GREB1: variants seen among roughly 807,000 people sequenced by gnomAD.
GREB1 encodes growth regulating estrogen receptor binding 1, also known as protein GREB1.
Under a neutral mutation model 200.7 loss-of-function variants are expected in GREB1, and 106 were observed. The ratio of observed to expected loss-of-function variants is 0.53; its 90% CI spans 0.45 to 0.62. GREB1 has a LOEUF of 0.62. GREB1 is among the 20% of genes least tolerant of loss of function. The probability of loss-of-function intolerance (pLI) is 0.00; values close to 1 mark genes in which losing one functional copy is unlikely to be tolerated. For missense variants in GREB1, 2,243 were observed against 2,556.8 expected (o/e 0.88, Z 2.65); for synonymous variants, 1,132 against 1,092.4 (o/e 1.04, Z -0.72).
chr2:11,548,878 ATT>A lies in GREB1; in HGVS notation c.-161-7572_-161-7571del, dbSNP rs1675546223. On this transcript the variant is annotated intron_variant, in intron 1 of 32. Transcript: ENST00000381486. This position sits in a 1 kb window ranked among gnomAD's most constrained non-coding sequence, Gnocchi z 5.1. ...TTACTCTACTCTCACTTTGATTATT[ATT>A]TTTGTTGAGTATTCTAGGTAGGGAA... 6.6e-6 allele frequency among the ~76,000 whole-genome samples: 1 copy of A among 152,066 alleles called. No individual in the cohort carries two copies. Among genetic ancestry groups the A allele is most frequent in the Non-Finnish European group, 1.5e-5 (1 of 68,000 alleles).
At chr2:11,612,906 G>A (rs1380726708) in intron 19 of GREB1, among the ~76,000 whole-genome samples, 1 of 152,224 alleles carries the variant, frequency 6.6e-6, no homozygotes, top group Non-Finnish European at 1.5e-5. Context: ...TGCCTCCTGA[G>A]TTCAGTGTCT....
chr2:11,570,890 T>C (rs1678197529), intron 4 of GREB1, among the ~76,000 whole-genome samples: 1 of 152,132 alleles, frequency 6.6e-6, no homozygotes, highest in South Asian at 2.1e-4. Context: ...CCCTGAGTGC[T>C]TCATCTTCCG....
In GREB1 at chr2:11,638,903, G is replaced by T. The variant is rs905093894; in HGVS notation, c.5686+94G>T. 3.9e-6 allele frequency: 5 copies of T among 1,285,538 alleles called. No homozygotes were observed. The Admixed American group carries it at 1.1e-4, about 27-fold the overall frequency. The allele number at this position is 1,285,538 out of a possible 1,614,324, so 79.6% of individuals were successfully genotyped here. ...GGACCTTTGGTCCTAGTCCTTATTT[G>T]CCCATGGGTAAACTGAGGATCAGAG... is the stretch of plus-strand genomic sequence containing the variant. On this transcript the variant is annotated intron_variant, in intron 32 of 32. Coordinates refer to ENST00000381486, the MANE Select transcript of GREB1 (RefSeq NM_014668.4).
In GREB1 at chr2:11,499,216, G is replaced by A. The variant is rs934335051; in HGVS notation, c.-159+16835G>A. On this transcript the variant is annotated intron_variant, in intron 1 of 2. Coordinates refer to the GREB1 transcript ENST00000628795. The stretch of plus-strand genomic sequence containing the variant: ...AAAAGGAAATGTCTTTTCAATGGCT[G>A]AATCTGGAGAGAATGTTTGACACTG... Among the ~76,000 whole-genome samples, 6 of 152,348 alleles carry A rather than the reference G, an allele frequency of 3.9e-5. No individual in the cohort carries two copies. In the South Asian group the frequency reaches 1.0e-3, roughly 26 times the overall value.
In GREB1 at chr2:11,492,371, G is replaced by T. The variant is rs1009849233; in HGVS notation, c.-159+9990G>T. Among the ~76,000 whole-genome samples the T allele has an allele frequency of 6.6e-6, 1 of 152,206 alleles. No individual in the cohort carries two copies. Among genetic ancestry groups the T allele is most frequent in the East Asian group, 1.9e-4 (1 of 5,194 alleles). On this transcript the variant is annotated intron_variant, in intron 1 of 2. Coordinates refer to the GREB1 transcript ENST00000628795. The surrounding 1 kb of genome is among the most constrained non-coding windows in gnomAD (Gnocchi z 4.0). ...TGCTTGTTGGTTGGTTTGTTTCTTG[G>T]TCAGCCATTGAAGACTGAGTCAGCT...
At chr2:11,612,835 G>A (rs184492935) in intron 19 of GREB1, among the ~76,000 whole-genome samples, 5 of 152,350 alleles carry the variant, frequency 3.3e-5, no homozygotes, top group African/African-American at 7.2e-5. Context: ...GTTTGGGCTC[G>A]TGGTGACGGC....
At chr2:11,553,783 C>T (rs1023879173) in intron 1 of GREB1, among the ~76,000 whole-genome samples, 3 of 152,092 alleles carry the variant, frequency 2.0e-5, no homozygotes, top group Non-Finnish European at 4.4e-5. Flanking sequence ...CCTACATGTC[C>T]CTTCGCTGCT....
intron 9 of GREB1, 30 bp downstream of exon 9, chr2:11,585,935 G>GA (rs35692894): frequency 0.14 from 228,638 of 1,610,848 alleles, 19,365 homozygotes; most frequent in African/African-American, 0.36. Flanking sequence ...GAGTCGTGGG[G>GA]ATGGGAGAAC....
rs1233073264 is a variant in GREB1, at chr2:11,562,457, A to C, written c.158-6A>C. On this transcript the variant is annotated splice_region_variant and splice_polypyrimidine_tract_variant and intron_variant, in intron 2 of 32. Coordinates refer to ENST00000381486, the MANE Select transcript of GREB1 (RefSeq NM_014668.4). ...CCTTGCTCATCACTCTTCTTCCCGC[A>C]TCTAGGTGGTAGCCGAGTGGACAAT... The C allele has an allele frequency of 2.7e-5, 43 of 1,611,436 alleles. No homozygotes were observed. Among genetic ancestry groups the C allele is most frequent in the Non-Finnish European group, 3.5e-5 (41 of 1,178,858 alleles).
intron 1 of GREB1, among the ~76,000 whole-genome samples, chr2:11,553,339 G>A (rs927976942): frequency 2.0e-5 from 3 of 152,078 alleles, no homozygotes; most frequent in African/African-American, 4.8e-5. Context: ...TCTCTACAAA[G>A]AATGTGAAAA....
rs1226711916 is a variant in GREB1 at position 11,548,519 on chromosome 2, T to C, written c.-161-7935T>C. On this transcript the variant is annotated intron_variant, in intron 1 of 32. Transcript: ENST00000381486. This position sits in a 1 kb window ranked among gnomAD's most constrained non-coding sequence, Gnocchi z 5.1. ...AAAATTTCAGGCATTGTACATCTTATTCTTCCTGCACCTGTCAATAATACA... is the reference window on the plus strand; with the variant it reads ...AAAATTTCAGGCATTGTACATCTTACTCTTCCTGCACCTGTCAATAATACA... Among the ~76,000 whole-genome samples, 1 of 152,260 alleles carries C rather than the reference T, an allele frequency of 6.6e-6. No homozygotes were observed. Among genetic ancestry groups the C allele is most frequent in the Non-Finnish European group, 1.5e-5 (1 of 68,048 alleles).
At chr2:11,525,797 T>C (rs546426431) in intron 1 of GREB1, among the ~76,000 whole-genome samples, 2 of 152,152 alleles carry the variant, frequency 1.3e-5, no homozygotes, top group Non-Finnish European at 2.9e-5. Context: ...ACGACCCATC[T>C]AGATTCTCCT....
chr2:11,527,241 G>A (rs992194746), intron 1 of GREB1, among the ~76,000 whole-genome samples: 1 of 152,108 alleles, frequency 6.6e-6, no homozygotes, highest in Non-Finnish European at 1.5e-5. Context: ...AAAAAAAATG[G>A]GGAAGTGATA....
At chr2:11,585,950 AG>A in intron 9 of GREB1, 45 bp downstream of exon 9, 1 of 1,603,474 alleles carries the variant, frequency 6.2e-7, no homozygotes, top group Non-Finnish European at 8.5e-7. Flanking sequence ...GAGAACCTAA[AG>A]GAAGGCATGA....
intron 1 of GREB1, among the ~76,000 whole-genome samples, chr2:11,534,906 G>A (rs1479676764): frequency 6.6e-6 from 1 of 152,170 alleles, no homozygotes; most frequent in Non-Finnish European, 1.5e-5. Context: ...TGTCCACAGG[G>A]GGCGCTGGTG....
At chr2:11,622,669 A>G (rs989564724) in intron 23 of GREB1, among the ~76,000 whole-genome samples, 3 of 152,176 alleles carry the variant, frequency 2.0e-5, no homozygotes, top group African/African-American at 4.8e-5. Flanking sequence ...GAGGCTTTCT[A>G]TAGGTGGAGT....
At chr2:11,499,829 G>A (rs979733656) in intron 1 of GREB1, among the ~76,000 whole-genome samples, 5 of 152,140 alleles carry the variant, frequency 3.3e-5, no homozygotes, top group African/African-American at 1.2e-4. Context: ...AGGTCTGCTA[G>A]GAACCTGTAC....
intron 1 of GREB1, among the ~76,000 whole-genome samples, chr2:11,502,323 C>T (rs1166220815): frequency 6.6e-6 from 1 of 151,012 alleles, no homozygotes; most frequent in African/African-American, 2.4e-5. Flanking sequence ...CTGGCTCAAG[C>T]AATCCTCTCA....
intron 10 of GREB1, chr2:11,592,178 T>G (rs1258482631): frequency 1.6e-6 from 1 of 629,690 alleles, no homozygotes; most frequent in African/African-American, 2.3e-5. Context: ...GCTTCCTACT[T>G]TTTTTTTTCT....
Sources: allele counts gnomAD v4.1 joint callset (sites outside exome capture counted in the v4.1 genomes callset), GRCh38; gene constraint gnomAD v4.1.1; non-coding constraint Gnocchi (gnomAD v3.1); transcripts MANE v1.5; gene names NCBI Gene and HGNC (gene_info 2026-07-23, HGNC 2026-07-21).